DHX29: variants seen among roughly 807,000 people sequenced by gnomAD.
The protein encoded by DHX29 is ATP-dependent RNA helicase DHX29.
A neutral mutation model predicts 167.9 loss-of-function variants in DHX29; 79 were observed. That is an observed-to-expected ratio of 0.47 (90% CI 0.39 to 0.57). The LOEUF (loss-of-function observed/expected upper bound fraction) is 0.57, where lower values mean the gene tolerates loss of function less well. DHX29 is among the 20% of genes least tolerant of loss of function. The pLI is 0.00. For synonymous variants in DHX29, 530 were observed against 546.0 expected (o/e 0.97, Z 0.41); for missense variants, 1,347 against 1,593.4 (o/e 0.85, Z 2.63).
chr5:55,298,999 C>T (rs923394587), intron 1 of DHX29, among the ~76,000 whole-genome samples: 7 of 143,988 alleles, frequency 4.9e-5, no homozygotes, highest in African/African-American at 1.3e-4. Flanking sequence ...CACTGCAGTC[C>T]GCAGTCCGGC....
At chr5:55,293,936 T>C (rs1382505981) in intron 6 of DHX29, 81 bp downstream of exon 6, 1 of 1,469,300 alleles carries the variant, frequency 6.8e-7, no homozygotes, top group East Asian at 2.4e-5. Context: ...AATTTACAAA[T>C]GAGCAAACTA....
chr5:55,280,173 T>C (rs1404543063), intron 12 of DHX29, among the ~76,000 whole-genome samples: 1 of 152,150 alleles, frequency 6.6e-6, no homozygotes, highest in African/African-American at 2.4e-5. Flanking sequence ...GAATTTCACT[T>C]CTAGGCTTTT....
intron 26 of DHX29, among the ~76,000 whole-genome samples, chr5:55,257,429 C>A (rs1259296586): frequency 6.6e-6 from 1 of 152,076 alleles, no homozygotes; most frequent in African/African-American, 2.4e-5. Context: ...GAACGTTTTT[C>A]TTTTTTATTT....
At position 55,283,189 on chromosome 5, in the gene DHX29, G is replaced by T. The variant is rs750188305; in HGVS notation, c.1965+14C>A. On this transcript the variant is annotated intron_variant, in intron 11 of 26. Coordinates refer to ENST00000251636, the MANE Select transcript of DHX29 (RefSeq NM_019030.4). ...CACCATCATTCACTGAGGTGGAGTT[G>T]AATGACAGCTTACCCTTCCTCCAGG... 1 of 1,561,366 alleles carries T rather than the reference G, an allele frequency of 6.4e-7. No homozygotes were observed. Among genetic ancestry groups the T allele is most frequent in the South Asian group, 1.2e-5 (1 of 82,378 alleles).
At chr5:55,287,210 G>A (rs1226742530) in intron 8 of DHX29, among the ~76,000 whole-genome samples, 3 of 152,230 alleles carry the variant, frequency 2.0e-5, no homozygotes, top group African/African-American at 7.2e-5. Flanking sequence ...GGGAGCCGAG[G>A]TGGGTGGATC....
intron 6 of DHX29, among the ~76,000 whole-genome samples, chr5:55,291,705 C>A (rs1465082887): frequency 6.6e-6 from 1 of 152,182 alleles, no homozygotes; most frequent in African/African-American, 2.4e-5. Context: ...TAGCCCCTGG[C>A]AACCACCATT....
chr5:55,302,237 G>A (rs1385908119), intron 1 of DHX29, among the ~76,000 whole-genome samples: 2 of 152,060 alleles, frequency 1.3e-5, no homozygotes, highest in Admixed American at 1.3e-4. Context: ...ATCAATTATA[G>A]TAAGCTTGTG....
At chr5:55,276,801 A>G (rs199596650) in intron 13 of DHX29, among the ~76,000 whole-genome samples, 7 of 151,954 alleles carry the variant, frequency 4.6e-5, no homozygotes, top group Admixed American at 2.6e-4. Flanking sequence ...TTTTTTTCCC[A>G]TAGCCATCAG....
At chr5:55,276,800 C>G (rs1747137946) in intron 13 of DHX29, among the ~76,000 whole-genome samples, 1 of 151,728 alleles carries the variant, frequency 6.6e-6, no homozygotes, top group South Asian at 2.1e-4. Flanking sequence ...TTTTTTTTCC[C>G]ATAGCCATCA....
intron 9 of DHX29, 75 bp from the exon 10 acceptor site, chr5:55,285,491 C>A: frequency 7.1e-7 from 1 of 1,411,786 alleles, no homozygotes; most frequent in Non-Finnish European, 9.6e-7. Context: ...ATTCCATTAA[C>A]ATTAAACTCA....
chr5:55,306,798 C>T (rs1367317675), intron 1 of DHX29, among the ~76,000 whole-genome samples: 1 of 152,158 alleles, frequency 6.6e-6, no homozygotes, highest in East Asian at 1.9e-4. Flanking sequence ...CAGGAATCGG[C>T]CATCTATAAG....
At chr5:55,298,461 T>TTAGC in intron 2 of DHX29, 130 bp downstream of exon 2, 2 of 588,530 alleles carry the variant, frequency 3.4e-6, no homozygotes, top group Non-Finnish European at 6.3e-6. Context: ...TTAGTAGAGA[T>TTAGC]TAGCTCTTAG....
chr5:55,261,090 T>A (rs1746294018), intron 25 of DHX29, among the ~76,000 whole-genome samples: 1 of 152,198 alleles, frequency 6.6e-6, no homozygotes. Flanking sequence ...TGCTAGGATA[T>A]TAATTTGGGA....
chr5:55,287,061 A>ATATAT (rs1246499026), intron 8 of DHX29, among the ~76,000 whole-genome samples: 3 of 152,196 alleles, frequency 2.0e-5, no homozygotes, highest in Admixed American at 6.5e-5. Flanking sequence ...GTAATTACGT[A>ATATAT]TTGTATATAT....
At chr5:55,291,841 T>C (rs1748064071) in intron 6 of DHX29, among the ~76,000 whole-genome samples, 1 of 152,230 alleles carries the variant, frequency 6.6e-6, no homozygotes, top group Non-Finnish European at 1.5e-5. Context: ...TGTTGTAGCA[T>C]GTACCAGAAC....
At chr5:55,279,486 T>C (rs1466873996) in intron 12 of DHX29, 1 of 152,016 alleles carries the variant, frequency 6.6e-6, no homozygotes, top group Non-Finnish European at 1.5e-5. Flanking sequence ...ATAAAATAGA[T>C]AGGAATTTAT....
intron 23 of DHX29, among the ~76,000 whole-genome samples, chr5:55,265,936 G>A (rs767213426): frequency 5.3e-5 from 8 of 151,724 alleles, no homozygotes; most frequent in Admixed American, 3.9e-4. Context: ...GAAATTTTTC[G>A]TAATTAAATA....
chr5:55,285,982 C>T (rs887513792), intron 8 of DHX29, 121 bp from the exon 9 acceptor site: 6 of 731,984 alleles, frequency 8.2e-6, no homozygotes, highest in Middle Eastern at 3.1e-4. Flanking sequence ...AGGCCAGGTG[C>T]AGTGGCTCAT....
chr5:55,301,210 A>T (rs1748581182), intron 1 of DHX29, among the ~76,000 whole-genome samples: 1 of 152,326 alleles, frequency 6.6e-6, no homozygotes, highest in Non-Finnish European at 1.5e-5. Flanking sequence ...AGTTCGTAAC[A>T]TCTAGCTTCT....
Sources: gnomAD v4.1 joint callset for allele counts (sites outside exome capture counted in the v4.1 genomes callset) on GRCh38, gnomAD v4.1.1 for gene constraint, MANE v1.5 for transcripts, NCBI Gene and HGNC (gene_info 2026-07-23, HGNC 2026-07-21) for gene names.